FBXW10B: variants seen among roughly 807,000 people sequenced by gnomAD.
FBXW10B encodes F-box and WD repeat domain containing protein 10B.
the FBXW10B span, among the ~76,000 whole-genome samples, chr17:15,595,100 G>A: frequency 6.6e-6 from 1 of 152,144 alleles, no homozygotes; most frequent in African/African-American, 2.4e-5. Context: ...CCAGCACTTT[G>A]GGAGGCCGAG....
the FBXW10B span, chr17:15,598,631 C>T: frequency 4.3e-6 from 7 of 1,612,242 alleles, no homozygotes; most frequent in African/African-American, 6.7e-5. Context: ...CGTGTGCAAA[C>T]CCCACTTTTC....
the FBXW10B span, chr17:15,566,202 T>C: frequency 6.2e-7 from 1 of 1,612,426 alleles, no homozygotes; most frequent in South Asian, 1.1e-5. Flanking sequence ...GATAGGCAAA[T>C]TCCCCGGAAT....
chr17:15,601,092 G>C, the FBXW10B span, among the ~76,000 whole-genome samples: 119 of 140,570 alleles, frequency 8.5e-4, no homozygotes, highest in African/African-American at 3.0e-3. Context: ...GTCATTTGCA[G>C]TTGATAGGAT....
At chr17:15,609,679 C>T in the FBXW10B span, among the ~76,000 whole-genome samples, 2 of 152,152 alleles carry the variant, frequency 1.3e-5, no homozygotes, top group African/African-American at 2.4e-5. Flanking sequence ...TGCAGAGCTA[C>T]GGGCATCAGG....
At chr17:15,608,910 C>A in the FBXW10B span, among the ~76,000 whole-genome samples, 1 of 152,184 alleles carries the variant, frequency 6.6e-6, no homozygotes, top group Admixed American at 6.6e-5. Flanking sequence ...CAAGTCTTGA[C>A]AGGGGCGCTT....
At chr17:15,584,270 AAATATT>A in the FBXW10B span, among the ~76,000 whole-genome samples, 1 of 152,246 alleles carries the variant, frequency 6.6e-6, no homozygotes. Flanking sequence ...TGTGTGTTAT[AAATATT>A]AATGATGTTG....
chr17:15,603,917 CAA>C, the FBXW10B span, among the ~76,000 whole-genome samples: 22 of 113,838 alleles, frequency 1.9e-4, 1 homozygote, highest in African/African-American at 4.1e-4. Context: ...CTAAAAAATA[CAA>C]AAAAAAAAAA....
At chr17:15,575,205 G>T in the FBXW10B span, among the ~76,000 whole-genome samples, 7 of 148,376 alleles carry the variant, frequency 4.7e-5, no homozygotes, top group Non-Finnish European at 1.0e-4. Context: ...GATTATAGCT[G>T]CCAGAGTCTA....
chr17:15,601,524 A>G, the FBXW10B span, among the ~76,000 whole-genome samples: 7 of 152,182 alleles, frequency 4.6e-5, no homozygotes, highest in African/African-American at 1.7e-4. Context: ...TACAAAAATC[A>G]ATTGCATTTC....
the FBXW10B span, chr17:15,613,851 G>T: frequency 6.2e-7 from 1 of 1,608,696 alleles, no homozygotes; most frequent in South Asian, 1.1e-5. Context: ...TACTTGGAGA[G>T]GTGGATGGGC....
At chr17:15,578,540 T>C in the FBXW10B span, among the ~76,000 whole-genome samples, 1 of 152,148 alleles carries the variant, frequency 6.6e-6, no homozygotes, top group East Asian at 1.9e-4. Context: ...GATCAGAGAA[T>C]TCAACTATCT....
chr17:15,594,962 A>G, the FBXW10B span: 12 of 1,592,132 alleles, frequency 7.5e-6, no homozygotes, highest in Admixed American at 8.6e-5. Flanking sequence ...AGCCTTCTTC[A>G]GATGAATCCC....
the FBXW10B span, among the ~76,000 whole-genome samples, chr17:15,593,029 A>G: frequency 0.46 from 58,688 of 126,670 alleles, 15,508 homozygotes; most frequent in African/African-American, 0.7. Flanking sequence ...CTTGAACCCG[A>G]GAGGCGGAGG....
the FBXW10B span, among the ~76,000 whole-genome samples, chr17:15,576,231 C>T: frequency 5.1e-4 from 77 of 152,060 alleles, 1 homozygote; most frequent in Non-Finnish European, 8.2e-4. Flanking sequence ...TTTAATATTT[C>T]TTAAGGACGT....
the FBXW10B span, chr17:15,588,706 G>A: frequency 4.0e-5 from 27 of 669,648 alleles, no homozygotes; most frequent in Non-Finnish European, 6.5e-5. Context: ...GTTTCATAAA[G>A]AGGATTCCCC....
chr17:15,593,878 C>T, the FBXW10B span, among the ~76,000 whole-genome samples: 1 of 152,112 alleles, frequency 6.6e-6, no homozygotes, highest in Non-Finnish European at 1.5e-5. Flanking sequence ...ATCCACCTAC[C>T]TTGGCCTCCC....
chr17:15,600,133 G>A, the FBXW10B span, among the ~76,000 whole-genome samples: 24 of 151,634 alleles, frequency 1.6e-4, no homozygotes, highest in African/African-American at 5.8e-4. Context: ...GGAGAATGGC[G>A]TGAACCTGGG....
the FBXW10B span, among the ~76,000 whole-genome samples, chr17:15,591,952 C>A: frequency 0.52 from 79,022 of 151,894 alleles, 23,234 homozygotes; most frequent in African/African-American, 0.79. Flanking sequence ...GACAAAAGAG[C>A]TCCGGAACTT....
chr17:15,569,672 C>T, the FBXW10B span, among the ~76,000 whole-genome samples: 5 of 151,612 alleles, frequency 3.3e-5, no homozygotes, highest in Non-Finnish European at 5.9e-5. Flanking sequence ...TGGGCTCAAG[C>T]GTTTCTCCTG....
Sources: gnomAD v4.1 joint callset for allele counts (sites outside exome capture counted in the v4.1 genomes callset) on GRCh38, gnomAD v4.1.1 for gene constraint, MANE v1.5 for transcripts, NCBI Gene and HGNC (gene_info 2026-07-23, HGNC 2026-07-21) for gene names.